Variants in CWC27 observed in about 807,000 individuals in gnomAD.
CWC27 encodes the protein spliceosome-associated protein CWC27 homolog.
Under a neutral mutation model 63.6 loss-of-function variants are expected in CWC27, and 47 were observed. The observed-to-expected ratio is 0.74, with a 90% confidence interval of 0.58 to 0.94. CWC27 has a LOEUF of 0.94. CWC27 is among the 40% of genes least tolerant of loss of function. The probability of loss-of-function intolerance (pLI) is 0.00; values close to 1 mark genes in which losing one functional copy is unlikely to be tolerated. For missense variants in CWC27, 495 were observed against 554.3 expected, an observed-to-expected ratio of 0.89 and a Z score of 1.07; for synonymous variants, 175 against 179.8, an observed-to-expected ratio of 0.97 and a Z score of 0.22.
intron 8 of CWC27, 141 bp from the exon 9 acceptor site, chr5:64,801,161 T>G: frequency 1.3e-6 from 1 of 771,872 alleles, no homozygotes; most frequent in Non-Finnish European, 1.9e-6. Context: ...ATCTGTTCTA[T>G]AATGCCTTTC....
rs557652681 is a variant in CWC27 at position 64,859,596 on chromosome 5, C to T, written c.939-25847C>T. Among the ~76,000 whole-genome samples the T allele has an allele frequency of 2.0e-5, 3 of 152,226 alleles. No homozygotes were observed. In the South Asian group the frequency reaches 6.2e-4, roughly 32 times the overall value. ...AGTATAAGAATTGATAGTAGAATGG[C>T]AAGTATGACTATAGTGATAAAAGTA... On this transcript the variant is annotated intron_variant, in intron 10 of 13. Coordinates refer to ENST00000381070, the MANE Select transcript of CWC27 (RefSeq NM_005869.4).
At chr5:64,976,138 CT>C (rs543422686) in intron 12 of CWC27, among the ~76,000 whole-genome samples, 75 of 152,186 alleles carry the variant, frequency 4.9e-4, no homozygotes, top group African/African-American at 1.7e-3. Context: ...CTAAATTTAT[CT>C]AGTTTCTTAT....
At chr5:64,933,148 A>G (rs1160128493) in intron 11 of CWC27, among the ~76,000 whole-genome samples, 1 of 152,162 alleles carries the variant, frequency 6.6e-6, no homozygotes, top group African/African-American at 2.4e-5. Flanking sequence ...ACATTTTCAG[A>G]TGGTGCTGAT....
intron 10 of CWC27, among the ~76,000 whole-genome samples, chr5:64,811,635 T>C (rs554584947): frequency 1.3e-5 from 2 of 152,202 alleles, no homozygotes; most frequent in East Asian, 1.9e-4. Context: ...GTTCTACTTA[T>C]ATGCCATGTT....
intron 13 of CWC27, among the ~76,000 whole-genome samples, chr5:64,985,787 A>G (rs1482854942): frequency 6.6e-6 from 1 of 152,182 alleles, no homozygotes; most frequent in Admixed American, 6.5e-5. Context: ...TATGAAGACA[A>G]ATAGGAGTGG....
At chr5:64,857,732 G>T (rs958741765) in intron 10 of CWC27, among the ~76,000 whole-genome samples, 4 of 152,142 alleles carry the variant, frequency 2.6e-5, no homozygotes, top group Non-Finnish European at 5.9e-5. Context: ...TTAATAAATG[G>T]TTATTAGAAT....
At chr5:64,769,563 A>T (rs1743166162) in intron 1 of CWC27, among the ~76,000 whole-genome samples, 6 of 152,150 alleles carry the variant, frequency 3.9e-5, no homozygotes, top group Admixed American at 3.9e-4. Flanking sequence ...AACGCCTGCG[A>T]GGCACTGGGC....
intron 11 of CWC27, among the ~76,000 whole-genome samples, chr5:64,952,712 A>G (rs1015895881): frequency 3.3e-5 from 5 of 152,018 alleles, no homozygotes; most frequent in African/African-American, 1.2e-4. Flanking sequence ...ATTTAAGCCT[A>G]TGGTTTTGTT....
chr5:64,796,005 G>GTA (rs2112195401), intron 7 of CWC27, among the ~76,000 whole-genome samples: 1 of 78,326 alleles, frequency 1.3e-5, no homozygotes, highest in Admixed American at 1.2e-4. Context: ...AATTGTGCGT[G>GTA]TGTGTGTGTG....
intron 10 of CWC27, among the ~76,000 whole-genome samples, chr5:64,853,964 G>A (rs115244711): frequency 0.012 from 1,884 of 152,182 alleles, 39 homozygotes; most frequent in African/African-American, 0.043. Flanking sequence ...ATTAAATAAC[G>A]CCTCATTTCC....
At chr5:64,968,312 A>G (rs769221729) in intron 11 of CWC27, among the ~76,000 whole-genome samples, 42 of 152,146 alleles carry the variant, frequency 2.8e-4, no homozygotes, top group Non-Finnish European at 5.3e-4. Context: ...GACCATTTGT[A>G]AAACAGTATG....
In CWC27 at chr5:64,806,050, G is replaced by A. The variant is rs570767342; in HGVS notation, c.938+1664G>A. Among the ~76,000 whole-genome samples, 12 of 152,020 alleles carry A rather than the reference G, an allele frequency of 7.9e-5. No homozygotes were observed. In the South Asian group the frequency reaches 2.5e-3, roughly 32 times the overall value. On this transcript the variant is annotated intron_variant, in intron 10 of 13. Transcript: ENST00000381070. ...TAGTATGGAGAATGGATTGATAGAG[G>A]AGTGTTTTGGGCTATTATACAAAAT...
At chr5:64,948,919 C>G (rs1026600626) in intron 11 of CWC27, among the ~76,000 whole-genome samples, 8 of 151,872 alleles carry the variant, frequency 5.3e-5, no homozygotes, top group African/African-American at 1.9e-4. Context: ...TCTACAGAAC[C>G]TTGATTCCAT....
intron 11 of CWC27, among the ~76,000 whole-genome samples, chr5:64,960,893 C>T (rs1289289494): frequency 2.0e-5 from 3 of 150,982 alleles, no homozygotes; most frequent in Admixed American, 2.0e-4. Flanking sequence ...GACTACACGC[C>T]TGCACCACTA....
chr5:65,010,887 T>TA (rs1749942698), intron 13 of CWC27, among the ~76,000 whole-genome samples: 1 of 152,234 alleles, frequency 6.6e-6, no homozygotes, highest in Admixed American at 6.5e-5. Context: ...TGATTTGGAA[T>TA]TATGTATTAA....
chr5:64,831,002 T>C (rs531420349), intron 10 of CWC27, among the ~76,000 whole-genome samples: 118 of 152,200 alleles, frequency 7.8e-4, no homozygotes, highest in Middle Eastern at 3.4e-3. Flanking sequence ...TCTTCAAGGA[T>C]TTGAATATGT....
intron 11 of CWC27, among the ~76,000 whole-genome samples, chr5:64,915,761 ATAG>A (rs747537548): frequency 7.2e-5 from 11 of 152,300 alleles, no homozygotes; most frequent in Admixed American, 4.6e-4. Context: ...GCCAAGCTTT[ATAG>A]TAGAAGCTTT....
chr5:64,925,300 C>T (rs561051613), intron 11 of CWC27, among the ~76,000 whole-genome samples: 5 of 152,132 alleles, frequency 3.3e-5, no homozygotes, highest in Non-Finnish European at 7.4e-5. Context: ...TTTTTGTCTG[C>T]ATCACTTGAT....
chr5:64,961,252 A>C (rs1016961644), intron 11 of CWC27, among the ~76,000 whole-genome samples: 1 of 152,214 alleles, frequency 6.6e-6, no homozygotes, highest in African/African-American at 2.4e-5. Context: ...CACATGAGAC[A>C]CTAGCTAAGT....
Sources: gnomAD v4.1 joint callset for allele counts (sites outside exome capture counted in the v4.1 genomes callset) on GRCh38, gnomAD v4.1.1 for gene constraint, MANE v1.5 for transcripts, NCBI Gene and HGNC (gene_info 2026-07-23, HGNC 2026-07-21) for gene names.